SLC26A11: variants seen among roughly 807,000 people sequenced by gnomAD.
SLC26A11 encodes solute carrier family 26 member 11, also known as sodium-independent sulfate anion transporter.
Under a neutral mutation model 62.2 loss-of-function variants are expected in SLC26A11, and 58 were observed. That is an observed-to-expected ratio of 0.93 (90% confidence interval 0.76 to 1.16). The LOEUF is 1.16. Among genes scored for constraint, SLC26A11 ranks in the 50% most tolerant of loss-of-function variants. The pLI is 0.00. For missense variants in SLC26A11, 790 were observed against 794.3 expected, an observed-to-expected ratio of 0.99 and a Z score of 0.06; for synonymous variants, 411 against 368.9, an observed-to-expected ratio of 1.11 and a Z score of -1.31.
intron 11 of SLC26A11, among the ~76,000 whole-genome samples, chr17:80,245,811 A>AG (rs1465381125): frequency 6.6e-6 from 1 of 152,184 alleles, no homozygotes; most frequent in Non-Finnish European, 1.5e-5. Context: ...TGTGGCTTAA[A>AG]GGAGAGAAGG....
rs1239583350 is a variant in SLC26A11 at position 80,222,220 on chromosome 17, C to CA, written c.235-429dup. The CA allele has an allele frequency of 1.6e-5, 3 of 192,034 alleles. No homozygotes were observed. The highest frequency in any genetic ancestry group is 5.9e-5 in the Admixed American group (1 of 17,090). The allele number at this position is 192,034 out of a possible 1,614,324, so 11.9% of individuals were successfully genotyped here. On this transcript the variant is annotated intron_variant, in intron 3 of 17. Transcript: ENST00000361193. The surrounding 1 kb of genome is among the most constrained non-coding windows in gnomAD (Gnocchi z 4.7). The stretch of plus-strand genomic sequence containing the variant: ...TGAAACCCCGTCTCTACTAAAAATA[C>CA]AAAAAATTAGCCAGGTGTGGTGGCG...
chr17:80,233,026 TTGTC>T (rs752034445), intron 7 of SLC26A11, among the ~76,000 whole-genome samples: 70 of 152,242 alleles, frequency 4.6e-4, no homozygotes, highest in South Asian at 8.3e-4. Flanking sequence ...GGGAGGCAGA[TTGTC>T]TGAGCTCAGG....
At chr17:80,243,174 T>C (rs538421661) in intron 10 of SLC26A11, among the ~76,000 whole-genome samples, 1 of 152,330 alleles carries the variant, frequency 6.6e-6, no homozygotes, top group East Asian at 1.9e-4. Context: ...ATTTGGCTTC[T>C]TGACAGCAAA....
intron 13 of SLC26A11, among the ~76,000 whole-genome samples, chr17:80,247,576 T>C (rs113313013): frequency 9.3e-4 from 141 of 152,368 alleles, no homozygotes; most frequent in African/African-American, 3.2e-3. Context: ...ATGGATAATT[T>C]TCTTGCATGC....
At chr17:80,221,433 T>G in intron 2 of SLC26A11, 115 bp from the exon 3 acceptor site, 2 of 718,638 alleles carry the variant, frequency 2.8e-6, no homozygotes, top group Non-Finnish European at 4.5e-6. Flanking sequence ...TTCGCCCCCC[T>G]GGGGAGGGGA....
chr17:80,243,252 G>C (rs1204950150), intron 10 of SLC26A11, among the ~76,000 whole-genome samples: 1 of 152,164 alleles, frequency 6.6e-6, no homozygotes, highest in Admixed American at 6.5e-5. Context: ...GGAGAGCGGG[G>C]CATTGTCCAG....
chr17:80,241,951 C>G, intron 10 of SLC26A11, 130 bp downstream of exon 10: 1 of 995,900 alleles, frequency 1.0e-6, no homozygotes, highest in Non-Finnish European at 1.6e-6. Context: ...AAAGGTGGCC[C>G]CAGATGGGAT....
rs200922380 is a variant in SLC26A11, at chr17:80,241,726, A to G, written c.986-45A>G. 16 of 1,586,244 alleles carry G rather than the reference A, an allele frequency of 1.0e-5. No homozygotes were observed. The Admixed American group carries it at 2.0e-4, about 20-fold the overall frequency. Reference sequence around the variant, plus strand: ...ACATTTTGTGAATACTTTTTGAGCGATGTTGAATATTACTGACCAGGTCTT... The same window carrying G: ...ACATTTTGTGAATACTTTTTGAGCGGTGTTGAATATTACTGACCAGGTCTT... On this transcript the variant is annotated intron_variant, in intron 9 of 17. Transcript: ENST00000361193.
intron 9 of SLC26A11, among the ~76,000 whole-genome samples, chr17:80,238,426 A>C (rs948670479): frequency 6.6e-6 from 1 of 152,166 alleles, no homozygotes; most frequent in African/African-American, 2.4e-5. Flanking sequence ...AAAACTCCTA[A>C]ACATTGAGCA....
intron 8 of SLC26A11, 49 bp from the exon 9 acceptor site, chr17:80,237,473 G>T: frequency 6.4e-7 from 1 of 1,551,210 alleles, no homozygotes; most frequent in Non-Finnish European, 8.8e-7. Flanking sequence ...GTCACTGCTG[G>T]GTCCTACCCC....
rs1567967557 is a variant in SLC26A11, at chr17:80,248,117, GC to G, written c.1295-10del. On this transcript the variant is annotated splice_polypyrimidine_tract_variant and intron_variant, in intron 13 of 17. Transcript: ENST00000361193. The stretch of plus-strand genomic sequence containing the variant: ...CAGCTGCCGGGCATTCCTCAGCTGT[GC>G]CCTTCTCCTAGGGCTGGACCTGCTG... 9 of 1,597,848 alleles carry G rather than the reference GC, an allele frequency of 5.6e-6. No homozygotes were observed. Among genetic ancestry groups the G allele is most frequent in the Non-Finnish European group, 7.6e-6 (9 of 1,177,866 alleles).
At chr17:80,240,108 CTGTAGTCCCAGCACTT>C (rs2042816828) in intron 9 of SLC26A11, among the ~76,000 whole-genome samples, 1 of 152,228 alleles carries the variant, frequency 6.6e-6, no homozygotes, top group Non-Finnish European at 1.5e-5. Flanking sequence ...TGGCACACGC[CTGTAGTCCCAGCACTT>C]TGGGAGGCCG....
At chr17:80,243,589 G>C (rs556876112) in intron 10 of SLC26A11, among the ~76,000 whole-genome samples, 7 of 152,288 alleles carry the variant, frequency 4.6e-5, no homozygotes, top group Admixed American at 1.3e-4. Flanking sequence ...GTAGGACGAG[G>C]TTTTGCCATG....
rs150326301 is a variant in SLC26A11 at position 80,228,172 on chromosome 17, G to A, written c.736+212G>A. Among the ~76,000 whole-genome samples, 7,120 of 151,982 alleles carry A rather than the reference G, an allele frequency of 0.047. 243 individuals carry two copies. The highest frequency in any genetic ancestry group is 0.07 in the Non-Finnish European group (4,759 of 67,976). On this transcript the variant is annotated intron_variant, in intron 7 of 17. Coordinates refer to ENST00000361193, the MANE Select transcript of SLC26A11 (RefSeq NM_001166347.2). The surrounding 1 kb of genome is among the most constrained non-coding windows in gnomAD (Gnocchi z 4.1). The stretch of plus-strand genomic sequence containing the variant: ...TTTTGAGACAGAGTTTCGCTCTGTC[G>A]CCCAGGCTGGAGTACAGTGGTGTGA...
intron 7 of SLC26A11, among the ~76,000 whole-genome samples, chr17:80,235,239 G>C (rs1024615742): frequency 2.6e-5 from 4 of 151,690 alleles, no homozygotes; most frequent in Admixed American, 2.0e-4. Flanking sequence ...TATGGAATTT[G>C]GTTACAGTTA....
At chr17:80,250,565 T>C (rs2043129291) in intron 16 of SLC26A11, among the ~76,000 whole-genome samples, 1 of 152,176 alleles carries the variant, frequency 6.6e-6, no homozygotes, top group Admixed American at 6.5e-5. Context: ...GACCCAGACA[T>C]GGTGGCTCAC....
chr17:80,222,634 C>G lies in SLC26A11; in HGVS notation c.235-21C>G. The G allele has an allele frequency of 6.2e-7, 1 of 1,608,998 alleles. No individual in the cohort carries two copies. Among genetic ancestry groups the G allele is most frequent in the East Asian group, 2.2e-5 (1 of 44,774 alleles). On this transcript the variant is annotated intron_variant, in intron 3 of 17. Coordinates refer to ENST00000361193, the MANE Select transcript of SLC26A11 (RefSeq NM_001166347.2). This position sits in a 1 kb window ranked among gnomAD's most constrained non-coding sequence, Gnocchi z 4.7. ...GATGGGCCTCGGCCTCCTGAGTGCT[C>G]ACCACCCTCTCTCCCCACAGTATGG...
chr17:80,229,324 C>G (rs997479182), intron 7 of SLC26A11, among the ~76,000 whole-genome samples: 2 of 152,126 alleles, frequency 1.3e-5, no homozygotes, highest in African/African-American at 4.8e-5. Context: ...AGCTTCCAGT[C>G]CCAGCCTGGC....
At position 80,241,889 on chromosome 17, in the gene SLC26A11, G is replaced by T. The variant is rs2042875054; in HGVS notation, c.1036+68G>T. On this transcript the variant is annotated intron_variant, in intron 10 of 17. Coordinates refer to ENST00000361193, the MANE Select transcript of SLC26A11 (RefSeq NM_001166347.2). The stretch of plus-strand genomic sequence containing the variant: ...TCCAGGGTCCCAGGCCTGCCCCTCT[G>T]TGTCTCCTGCATTGTAGGAAGACCA... 3.9e-6 allele frequency: 6 copies of T among 1,534,618 alleles called. No homozygotes were observed. The South Asian group carries it at 6.7e-5, about 17-fold the overall frequency.
Sources: gnomAD v4.1 joint callset for allele counts (sites outside exome capture counted in the v4.1 genomes callset) on GRCh38, gnomAD v4.1.1 for gene constraint, Gnocchi (gnomAD v3.1) non-coding constraint, MANE v1.5 for transcripts, NCBI Gene and HGNC (gene_info 2026-07-23, HGNC 2026-07-21) for gene names.